FNIP1: variants seen among roughly 807,000 people sequenced by gnomAD.
FNIP1 encodes the protein folliculin-interacting protein 1.
FNIP1 carries 40 observed loss-of-function variants against 124.5 expected under a neutral mutation model. The ratio of observed to expected loss-of-function variants is 0.32; its 90% CI spans 0.25 to 0.42. The LOEUF (loss-of-function observed/expected upper bound fraction) is 0.42, where lower values mean the gene tolerates loss of function less well. Among genes scored for constraint, FNIP1 ranks in the 10% least tolerant of loss-of-function variants. The probability of loss-of-function intolerance (pLI) is 1.00; values close to 1 mark genes in which losing one functional copy is unlikely to be tolerated. For synonymous variants in FNIP1, 472 were observed against 470.6 expected, an observed-to-expected ratio of 1.00 and a Z score of -0.04; for missense variants, 1,176 against 1,403.7, an observed-to-expected ratio of 0.84 and a Z score of 2.59.
In FNIP1 at chr5:131,704,205, G is replaced by A. The variant is rs761595163; in HGVS notation, c.976C>T (p.Arg326Trp). Residue 326 changes from arginine to tryptophan, a missense_variant, in exon 10 of 18, where the codon CGG becomes TGG. Arg to Trp is a moderately radical substitution (Grantham distance 101, BLOSUM62 -3). Coordinates refer to ENST00000510461, the MANE Select transcript of FNIP1 (RefSeq NM_133372.3). ...ACCCCAATTGCAATCTTCTTTTTCCGCACAATTCCTGGGTTAGGGCCACAG... is the reference window on the plus strand; with the variant it reads ...ACCCCAATTGCAATCTTCTTTTTCCACACAATTCCTGGGTTAGGGCCACAG... ...ESCGPNPGIV[R>W]KKKIAIGVIF... 5.6e-6 allele frequency: 9 copies of A among 1,613,440 alleles called. No homozygotes were observed. The highest frequency in any genetic ancestry group is 7.6e-6 in the Non-Finnish European group (9 of 1,179,678).
At chr5:131,726,341 G>A (rs1471606506) in intron 3 of FNIP1, among the ~76,000 whole-genome samples, 1 of 151,944 alleles carries the variant, frequency 6.6e-6, no homozygotes, top group Non-Finnish European at 1.5e-5. Context: ...TTTTTTGGTT[G>A]GCAGGCCATT....
rs1012765880 is a variant in FNIP1, at chr5:131,730,807, A to G, written c.354+97T>C. On this transcript the variant is annotated intron_variant, in intron 3 of 17. Transcript: ENST00000510461. ...CAGCTTCAATGCAAGCTCTAGGAAGATAAGGACTAATTGCTATTATATCTC... is the reference window on the plus strand; with the variant it reads ...CAGCTTCAATGCAAGCTCTAGGAAGGTAAGGACTAATTGCTATTATATCTC... 5.4e-6 allele frequency: 5 copies of G among 918,910 alleles called. No homozygotes were observed. The African/African-American group carries it at 8.4e-5, about 15-fold the overall frequency. 56.9% of individuals were successfully genotyped at this position (918,910 alleles called of 1,614,324 possible).
At chr5:131,697,035 T>C (rs1768720409) in intron 11 of FNIP1, among the ~76,000 whole-genome samples, 1 of 152,144 alleles carries the variant, frequency 6.6e-6, no homozygotes, top group Admixed American at 6.5e-5. Flanking sequence ...AGTTTTAAAA[T>C]TTTATATATA....
chr5:131,646,343 T>A (rs983544594), intron 17 of FNIP1, among the ~76,000 whole-genome samples: 2 of 152,224 alleles, frequency 1.3e-5, no homozygotes, highest in African/African-American at 4.8e-5. Flanking sequence ...GCCTACACAC[T>A]GCAGGATGAT....
chr5:131,740,482 G>A (rs1770477494), intron 2 of FNIP1, among the ~76,000 whole-genome samples: 1 of 152,156 alleles, frequency 6.6e-6, no homozygotes, highest in Non-Finnish European at 1.5e-5. Context: ...AGTGAAAGCT[G>A]ATACATGTGA....
At chr5:131,751,062 C>T (rs1378007568) in intron 1 of FNIP1, among the ~76,000 whole-genome samples, 1 of 152,118 alleles carries the variant, frequency 6.6e-6, no homozygotes, top group Non-Finnish European at 1.5e-5. Flanking sequence ...GAATAAAATC[C>T]AAGTTCCTTT....
At chr5:131,746,550 A>G (rs999333470) in intron 1 of FNIP1, among the ~76,000 whole-genome samples, 1 of 152,156 alleles carries the variant, frequency 6.6e-6, no homozygotes, top group African/African-American at 2.4e-5. Context: ...TCCTGCATTA[A>G]TTCACTCAGG....
At chr5:131,762,858 G>T (rs1292440359) in intron 1 of FNIP1, among the ~76,000 whole-genome samples, 1 of 152,136 alleles carries the variant, frequency 6.6e-6, no homozygotes, top group East Asian at 1.9e-4. Context: ...TCATAAAAAA[G>T]AATGATATCC....
chr5:131,744,434 AT>A (rs1770606245), intron 2 of FNIP1, 129 bp downstream of exon 2: 1 of 881,118 alleles, frequency 1.1e-6, no homozygotes, highest in Non-Finnish European at 1.6e-6. Flanking sequence ...TTCACCAAAC[AT>A]TTCCTTCTCC....
Position 131,704,072 on chromosome 5 carries a change from A to G in FNIP1, c.1109T>C (p.Ile370Thr). The G allele has an allele frequency of 1.2e-6, 2 of 1,605,626 alleles. No homozygotes were observed. Among genetic ancestry groups the G allele is most frequent in the African/African-American group, 1.3e-5 (1 of 74,808 alleles). Reference sequence around the variant, plus strand: ...ATAAATAACTATGCTTACCTGTTCTATTGCACTCTTTAATTTGTTCATGTG... The same window carrying G: ...ATAAATAACTATGCTTACCTGTTCTGTTGCACTCTTTAATTTGTTCATGTG... ...ESHMNKLKSAIEQAMKMSRRS... is the reference protein window; with the variant it reads ...ESHMNKLKSATEQAMKMSRRS... The change falls in exon 10 of 18, where the codon ATA becomes ACA. Residue 370 changes from isoleucine to threonine, a missense_variant. Ile to Thr is a moderately conservative substitution (Grantham distance 89). Transcript: ENST00000510461.
chr5:131,748,332 T>C (rs1187422200), intron 1 of FNIP1, among the ~76,000 whole-genome samples: 2 of 152,146 alleles, frequency 1.3e-5, no homozygotes, highest in Non-Finnish European at 2.9e-5. Context: ...TAAACAAACC[T>C]ACTGCACTGT....
chr5:131,794,292 T>C (rs1772505859), intron 1 of FNIP1, among the ~76,000 whole-genome samples: 2 of 144,906 alleles, frequency 1.4e-5, no homozygotes, highest in African/African-American at 2.5e-5. Flanking sequence ...AAATTTTTAA[T>C]TAAAAAAGAA....
intron 1 of FNIP1, among the ~76,000 whole-genome samples, chr5:131,767,293 A>G (rs1580822449): frequency 1.3e-5 from 2 of 151,682 alleles, no homozygotes; most frequent in Admixed American, 1.3e-4. Context: ...TTAGCTGGGC[A>G]TGGTGTGCAC....
intron 11 of FNIP1, among the ~76,000 whole-genome samples, chr5:131,684,402 A>G (rs17171380): frequency 0.077 from 11,652 of 152,302 alleles, 607 homozygotes; most frequent in East Asian, 0.2. Flanking sequence ...TATCAATTGT[A>G]TATGTGAAAG....
At chr5:131,708,441 A>G (rs11956484) in intron 8 of FNIP1, among the ~76,000 whole-genome samples, 2,700 of 152,262 alleles carry the variant, frequency 0.018, 91 homozygotes, top group African/African-American at 0.061. Flanking sequence ...GGGCCCCAAC[A>G]AACACTTTTC....
chr5:131,779,533 C>A (rs1410266628), intron 1 of FNIP1, among the ~76,000 whole-genome samples: 21 of 147,376 alleles, frequency 1.4e-4, no homozygotes, highest in African/African-American at 3.7e-4. Flanking sequence ...AAAAAAAATA[C>A]AAAAATTAGC....
At chr5:131,777,410 A>G (rs1771847384) in intron 1 of FNIP1, among the ~76,000 whole-genome samples, 1 of 152,150 alleles carries the variant, frequency 6.6e-6, no homozygotes, top group African/African-American at 2.4e-5. Flanking sequence ...TCGCTGGGAA[A>G]AATGGTCCTG....
intron 6 of FNIP1, among the ~76,000 whole-genome samples, chr5:131,710,990 A>C (rs1274855943): frequency 2.6e-5 from 4 of 152,168 alleles, no homozygotes; most frequent in Non-Finnish European, 4.4e-5. Flanking sequence ...AGATTTGAAA[A>C]AGTACGATAA....
chr5:131,772,571 A>G (rs574689112), intron 1 of FNIP1, among the ~76,000 whole-genome samples: 4 of 152,228 alleles, frequency 2.6e-5, no homozygotes, highest in East Asian at 1.9e-4. Flanking sequence ...AAATTTCTCT[A>G]TCTTCTCCAC....
Sources: gnomAD v4.1 joint callset for allele counts (sites outside exome capture counted in the v4.1 genomes callset) on GRCh38, gnomAD v4.1.1 for gene constraint, MANE v1.5 for transcripts, NCBI Gene and HGNC (gene_info 2026-07-23, HGNC 2026-07-21) for gene names.